The following PARD3B variants were observed in gnomAD, a reference collection of about 807,000 sequenced individuals.
PARD3B encodes the protein partitioning defective 3 homolog B.
Under a neutral mutation model 130.2 loss-of-function variants are expected in PARD3B, and 103 were observed. The observed-to-expected ratio is 0.79, with a 90% CI of 0.67 to 0.93. The LOEUF (loss-of-function observed/expected upper bound fraction) is 0.93. Ranked by LOEUF, PARD3B falls within the 40% of genes least tolerant of loss-of-function variation. PARD3B has a pLI of 0.00. For synonymous variants in PARD3B, 583 were observed against 553.2 expected (o/e 1.05, Z -0.76); for missense variants, 1,609 against 1,499.2 (o/e 1.07, Z -1.21).
intron 19 of PARD3B, among the ~76,000 whole-genome samples, chr2:205,415,842 T>G (rs1387494133): frequency 1.3e-5 from 2 of 152,190 alleles, no homozygotes; most frequent in African/African-American, 4.8e-5. Flanking sequence ...AAACACATTT[T>G]ACTAAAATCA....
At position 205,116,839 on chromosome 2, in the gene PARD3B, T is replaced by C. The variant is rs894905044; in HGVS notation, c.681-2082T>C. 2.6e-5 allele frequency among the ~76,000 whole-genome samples: 4 copies of C among 152,196 alleles called. No homozygotes were observed. Among genetic ancestry groups the C allele is most frequent in the Non-Finnish European group, 4.4e-5 (3 of 68,020 alleles). On this transcript the variant is annotated intron_variant, in intron 6 of 22. Coordinates refer to ENST00000406610, the MANE Select transcript of PARD3B (RefSeq NM_001302769.2). The surrounding 1 kb of genome is among the most constrained non-coding windows in gnomAD (Gnocchi z 4.5). ...CACATGGGTTTTACAGTTGGGCTTA[T>C]TCTGTCAATAAATTTTTCATGGAAA...
At chr2:205,387,001 G>A (rs191409740) in intron 18 of PARD3B, among the ~76,000 whole-genome samples, 10 of 152,170 alleles carry the variant, frequency 6.6e-5, no homozygotes, top group East Asian at 1.9e-4. Flanking sequence ...ACAATATTTC[G>A]AAAGTATTTA....
chr2:204,983,760 A>G (rs73984488), intron 3 of PARD3B, among the ~76,000 whole-genome samples: 2,604 of 152,332 alleles, frequency 0.017, 70 homozygotes, highest in African/African-American at 0.06. Flanking sequence ...TGTAACCAAG[A>G]GAATTTAGTA....
intron 2 of PARD3B, among the ~76,000 whole-genome samples, chr2:204,724,691 G>A (rs865788960): frequency 2.2e-4 from 34 of 152,236 alleles, no homozygotes; most frequent in African/African-American, 6.7e-4. Flanking sequence ...GACTATGGAA[G>A]TGGAGTAGTA....
chr2:205,014,483 G>A (rs1311030950), intron 3 of PARD3B, among the ~76,000 whole-genome samples: 2 of 152,302 alleles, frequency 1.3e-5, no homozygotes, highest in African/African-American at 2.4e-5. Flanking sequence ...TGTGTGTGCC[G>A]AGGAGAAGGT....
intron 1 of PARD3B, among the ~76,000 whole-genome samples, chr2:204,551,969 G>A (rs2030497078): frequency 6.6e-6 from 1 of 152,204 alleles, no homozygotes; most frequent in South Asian, 2.1e-4. Context: ...TCTTTCAAGA[G>A]GGCAGCCACT....
At chr2:205,311,946 A>C (rs1346760738) in intron 18 of PARD3B, among the ~76,000 whole-genome samples, 4 of 152,190 alleles carry the variant, frequency 2.6e-5, no homozygotes, top group Admixed American at 6.5e-5. Context: ...TGCGTGGCTC[A>C]TAGTTATTTC....
Position 205,172,331 on chromosome 2 carries a change from C to A in PARD3B, c.1741C>A (p.Arg581=), listed in dbSNP as rs765270843. The change falls in exon 12 of 23, where the codon CGA becomes AGA. Residue 581 remains arginine (R), a synonymous_variant. Transcript: ENST00000406610. ...GTCAATGTCCATGGAGGGAAACATCCGAGGGATGATCCAGTTGGTGATTCT... is the reference window on the plus strand; with the variant it reads ...GTCAATGTCCATGGAGGGAAACATCAGAGGGATGATCCAGTTGGTGATTCT... ...RRSMSMEGNI[R]GMIQLVILRR... 6 of 1,614,026 alleles carry A rather than the reference C, an allele frequency of 3.7e-6. No individual in the cohort carries two copies. Among genetic ancestry groups the A allele is most frequent in the Non-Finnish European group, 5.1e-6 (6 of 1,179,986 alleles).
In PARD3B at chr2:205,321,675, C is replaced by A. The variant is rs1263750073; in HGVS notation, c.2630+19974C>A. On this transcript the variant is annotated intron_variant, in intron 18 of 22. Transcript: ENST00000406610. The surrounding 1 kb of genome is among the most constrained non-coding windows in gnomAD (Gnocchi z 4.2). ...AGTCAAGAGTTGGCCTCAAGTAAAC[C>A]TCAAAATAGCAAAATCAGAAATTAC... 6.6e-6 allele frequency among the ~76,000 whole-genome samples: 1 copy of A among 152,024 alleles called. No individual in the cohort carries two copies. Among genetic ancestry groups the A allele is most frequent in the Non-Finnish European group, 1.5e-5 (1 of 68,010 alleles).
chr2:205,420,583 C>G (rs563040827), intron 19 of PARD3B, among the ~76,000 whole-genome samples: 2 of 152,258 alleles, frequency 1.3e-5, no homozygotes, highest in African/African-American at 4.8e-5. Context: ...GTGGAACTGT[C>G]TGGGTGAGGA....
intron 2 of PARD3B, among the ~76,000 whole-genome samples, chr2:204,920,513 G>A (rs1292503196): frequency 6.6e-6 from 1 of 152,178 alleles, no homozygotes; most frequent in Non-Finnish European, 1.5e-5. Context: ...TCAATTGAGG[G>A]TAGTGTAATA....
In PARD3B at chr2:205,152,322, G is replaced by A. The variant is rs189882374; in HGVS notation, c.1435-6400G>A. 1.1e-4 allele frequency among the ~76,000 whole-genome samples: 16 copies of A among 152,284 alleles called. No homozygotes were observed. The East Asian group carries it at 2.9e-3, about 28-fold the overall frequency. The stretch of plus-strand genomic sequence containing the variant: ...TGTTGGCCTGCCTTGCTAGGTTGGG[G>A]AAGTTCTCCTGGGTAACATCCTGAA... On this transcript the variant is annotated intron_variant, in intron 10 of 22. Transcript: ENST00000406610.
At chr2:205,354,479 A>AATC (rs770491775) in intron 18 of PARD3B, among the ~76,000 whole-genome samples, 1 of 151,266 alleles carries the variant, frequency 6.6e-6, no homozygotes, top group Non-Finnish European at 1.5e-5. Context: ...GAAAAAAAGT[A>AATC]AAAAATTAAA....
At chr2:204,782,406 C>T (rs1227773191) in intron 2 of PARD3B, among the ~76,000 whole-genome samples, 2 of 151,230 alleles carry the variant, frequency 1.3e-5, no homozygotes, top group East Asian at 3.9e-4. Flanking sequence ...ATATTCATGT[C>T]ACATGTATGT....
chr2:205,086,391 A>C (rs1193787026), intron 4 of PARD3B, among the ~76,000 whole-genome samples: 1 of 152,172 alleles, frequency 6.6e-6, no homozygotes, highest in Non-Finnish European at 1.5e-5. Flanking sequence ...ATGCACATAG[A>C]ATATGAAAGG....
intron 21 of PARD3B, among the ~76,000 whole-genome samples, chr2:205,545,329 TG>T (rs2052336689): frequency 6.6e-6 from 1 of 152,202 alleles, no homozygotes; most frequent in Non-Finnish European, 1.5e-5. Context: ...AAGTTTTTAT[TG>T]TGTTGATTCC....
intron 1 of PARD3B, among the ~76,000 whole-genome samples, chr2:204,639,904 A>G (rs193112284): frequency 2.0e-5 from 3 of 152,160 alleles, no homozygotes; most frequent in African/African-American, 7.2e-5. Context: ...GGCTATCTGA[A>G]TCCAGGGCCT....
intron 2 of PARD3B, among the ~76,000 whole-genome samples, chr2:204,803,502 T>C (rs896731509): frequency 6.6e-6 from 1 of 152,094 alleles, no homozygotes; most frequent in Non-Finnish European, 1.5e-5. Context: ...GTATGTAATA[T>C]ATGTATAGAA....
At chr2:204,904,459 A>C (rs1279620709) in intron 2 of PARD3B, among the ~76,000 whole-genome samples, 2 of 152,174 alleles carry the variant, frequency 1.3e-5, no homozygotes, top group African/African-American at 4.8e-5. Flanking sequence ...GAATCATATC[A>C]AATTCCTTTG....
Sources: allele counts gnomAD v4.1 joint callset (sites outside exome capture counted in the v4.1 genomes callset), GRCh38; gene constraint gnomAD v4.1.1; non-coding constraint Gnocchi (gnomAD v3.1); transcripts MANE v1.5; gene names NCBI Gene and HGNC (gene_info 2026-07-23, HGNC 2026-07-21).